The following SLC1A2 variants were observed in gnomAD, a reference collection of about 807,000 sequenced individuals.
The protein encoded by SLC1A2 is excitatory amino acid transporter 2.
Under a neutral mutation model 48.8 loss-of-function variants are expected in SLC1A2, and 15 were observed. The ratio of observed to expected loss-of-function variants is 0.31; its 90% confidence interval spans 0.21 to 0.47. The LOEUF (loss-of-function observed/expected upper bound fraction) is 0.47. SLC1A2 is among the 20% of genes least tolerant of loss of function. The pLI, the probability that SLC1A2 is intolerant of heterozygous loss-of-function variation, is 0.99. For missense variants in SLC1A2, 502 were observed against 730.5 expected, an observed-to-expected ratio of 0.69 and a Z score of 3.61; for synonymous variants, 279 against 272.6, an observed-to-expected ratio of 1.02 and a Z score of -0.23.
intron 1 of SLC1A2, among the ~76,000 whole-genome samples, chr11:35,375,821 T>C (rs1176050244): frequency 6.6e-6 from 1 of 152,216 alleles, no homozygotes. Flanking sequence ...AAAACTGTTC[T>C]ACACACTTCA....
intron 1 of SLC1A2, among the ~76,000 whole-genome samples, chr11:35,392,692 C>A (rs1854820436): frequency 1.3e-5 from 2 of 152,158 alleles, no homozygotes; most frequent in African/African-American, 4.8e-5. Flanking sequence ...CTTGGGAAAA[C>A]TGTCTGGAGG....
chr11:35,349,699 A>T (rs1853171222), intron 1 of SLC1A2, among the ~76,000 whole-genome samples: 1 of 152,226 alleles, frequency 6.6e-6, no homozygotes, highest in Non-Finnish European at 1.5e-5. Flanking sequence ...CTCACAGGAC[A>T]TCTGCATTTC....
At chr11:35,370,556 C>T (rs1176811244) in intron 1 of SLC1A2, among the ~76,000 whole-genome samples, 1 of 152,088 alleles carries the variant, frequency 6.6e-6, no homozygotes, top group Non-Finnish European at 1.5e-5. Flanking sequence ...AGCAGCCTGA[C>T]AGAGGGTACA....
intron 1 of SLC1A2, among the ~76,000 whole-genome samples, chr11:35,362,969 A>C (rs1467056168): frequency 6.6e-6 from 1 of 152,214 alleles, no homozygotes; most frequent in African/African-American, 2.4e-5. Flanking sequence ...GAATCTTTCA[A>C]AAACCTGATG....
chr11:35,363,441 A>G (rs1241613802), intron 1 of SLC1A2, among the ~76,000 whole-genome samples: 1 of 152,164 alleles, frequency 6.6e-6, no homozygotes, highest in East Asian at 1.9e-4. Flanking sequence ...AACTTACAAA[A>G]TAGGGAGCTC....
At chr11:35,285,998 A>C (rs1035860012) in intron 8 of SLC1A2, 5 of 152,200 alleles carry the variant, frequency 3.3e-5, no homozygotes, top group Non-Finnish European at 5.9e-5. Context: ...CTGTAATGTC[A>C]ATATAACATT....
intron 1 of SLC1A2, among the ~76,000 whole-genome samples, chr11:35,334,920 G>A (rs1852570942): frequency 6.6e-6 from 1 of 152,028 alleles, no homozygotes. Flanking sequence ...AGAAGTGACT[G>A]TTAGTCATTT....
chr11:35,302,342 T>C (rs899810092), intron 5 of SLC1A2, among the ~76,000 whole-genome samples: 1 of 152,182 alleles, frequency 6.6e-6, no homozygotes, highest in Non-Finnish European at 1.5e-5. Context: ...AATGCTTTTT[T>C]AATTTTATTT....
chr11:35,279,405 G>A (rs1850548564), intron 9 of SLC1A2, among the ~76,000 whole-genome samples: 3 of 152,204 alleles, frequency 2.0e-5, no homozygotes, highest in African/African-American at 7.2e-5. Flanking sequence ...ACCATACATG[G>A]TCAAGTTCAA....
At chr11:35,395,761 G>A (rs1854934213) in intron 1 of SLC1A2, among the ~76,000 whole-genome samples, 1 of 145,144 alleles carries the variant, frequency 6.9e-6, no homozygotes, top group Non-Finnish European at 1.5e-5. Context: ...GTGCCGTGCT[G>A]GTGCGCTGCA....
Position 35,265,695 on chromosome 11 carries a change from G to T in SLC1A2, c.1485C>A (p.His495Gln). ...TGGTATCCAGCTCAGACTTGGAGAGGTGATAGACTATCCCAGCCCCAAAAG... is the reference window on the plus strand; with the variant it reads ...TGGTATCCAGCTCAGACTTGGAGAGTTGATAGACTATCCCAGCCCCAAAAG... ...GDSFGAGIVY[H>Q]LSKSELDTID... Residue 495 changes from histidine (H) to glutamine (Q), a missense_variant, in exon 10 of 11, where the codon CAC becomes CAA. By Grantham distance (24) the His-to-Gln change is conservative. Coordinates refer to ENST00000278379, the MANE Select transcript of SLC1A2 (RefSeq NM_004171.4). 1.2e-6 allele frequency: 2 copies of T among 1,613,998 alleles called. No individual in the cohort carries two copies. The highest frequency in any genetic ancestry group is 4.5e-5 in the East Asian group (2 of 44,884).
intron 9 of SLC1A2, among the ~76,000 whole-genome samples, chr11:35,274,199 CT>C (rs1324733196): frequency 6.6e-6 from 1 of 152,228 alleles, no homozygotes; most frequent in African/African-American, 2.4e-5. Flanking sequence ...CATTTTATTA[CT>C]CTTTTGAACT....
At chr11:35,282,291 A>C (rs1468894837) in intron 8 of SLC1A2, among the ~76,000 whole-genome samples, 1 of 152,182 alleles carries the variant, frequency 6.6e-6, no homozygotes, top group Non-Finnish European at 1.5e-5. Context: ...TGGAGTGCTC[A>C]GCCGTGAAAG....
At position 35,315,187 on chromosome 11, in the gene SLC1A2, G is replaced by T. The variant is rs780219094; in HGVS notation, c.158-12C>A. 1 of 1,610,894 alleles carries T rather than the reference G, an allele frequency of 6.2e-7. No individual in the cohort carries two copies. Among genetic ancestry groups the T allele is most frequent in the South Asian group, 1.1e-5 (1 of 90,890 alleles). On this transcript the variant is annotated splice_polypyrimidine_tract_variant and intron_variant, in intron 2 of 10. Transcript: ENST00000278379. Reference sequence around the variant, plus strand: ...TCCCAGGATGACACCTAAAAGGAAGGGGAAAACAATATGAATTTATTTTTT... The same window carrying T: ...TCCCAGGATGACACCTAAAAGGAAGTGGAAAACAATATGAATTTATTTTTT...
intron 1 of SLC1A2, among the ~76,000 whole-genome samples, chr11:35,386,027 A>T (rs368423146): frequency 6.6e-6 from 1 of 152,170 alleles, no homozygotes; most frequent in Non-Finnish European, 1.5e-5. Flanking sequence ...TTAGCCGGGC[A>T]TGGTGGCGGA....
chr11:35,320,419 T>A (rs1852018014), intron 1 of SLC1A2, among the ~76,000 whole-genome samples: 1 of 151,974 alleles, frequency 6.6e-6, no homozygotes, highest in African/African-American at 2.4e-5. Context: ...TGCAAAGGAG[T>A]CTATGGGAAA....
intron 7 of SLC1A2, among the ~76,000 whole-genome samples, chr11:35,288,297 T>C (rs1850889159): frequency 2.0e-5 from 3 of 152,242 alleles, no homozygotes; most frequent in African/African-American, 7.2e-5. Flanking sequence ...GTCTGTCTCA[T>C]GCCTCCTTCT....
intron 1 of SLC1A2, among the ~76,000 whole-genome samples, chr11:35,363,899 A>C (rs928221856): frequency 3.9e-5 from 6 of 152,140 alleles, no homozygotes; most frequent in African/African-American, 1.2e-4. Flanking sequence ...GGAGGTGTAC[A>C]AGGCAGGCTA....
chr11:35,341,345 A>C (rs1464982409), intron 1 of SLC1A2, among the ~76,000 whole-genome samples: 1 of 152,216 alleles, frequency 6.6e-6, no homozygotes, highest in Non-Finnish European at 1.5e-5. Context: ...TAATAAATGA[A>C]GGCATATTTT....
Sources: allele counts gnomAD v4.1 joint callset (sites outside exome capture counted in the v4.1 genomes callset), GRCh38; gene constraint gnomAD v4.1.1; transcripts MANE v1.5; gene names NCBI Gene and HGNC (gene_info 2026-07-23, HGNC 2026-07-21).